Variants in VRK2 observed in about 807,000 individuals in gnomAD.
VRK2 encodes serine/threonine-protein kinase VRK2.
A neutral mutation model predicts 57.6 loss-of-function variants in VRK2; 60 were observed. The observed-to-expected ratio is 1.04, with a 90% CI of 0.85 to 1.29. The LOEUF (loss-of-function observed/expected upper bound fraction) is 1.29. Ranked by LOEUF, VRK2 falls within the 50% of genes most tolerant of loss-of-function variation. The probability of loss-of-function intolerance (pLI) is 0.00; values close to 1 mark genes in which losing one functional copy is unlikely to be tolerated. For synonymous variants in VRK2, 231 were observed against 199.2 expected (o/e 1.16, Z -1.35); for missense variants, 705 against 588.1 (o/e 1.20, Z -2.06).
At chr2:57,985,750 G>C (rs550479059) in intron 1 of VRK2, among the ~76,000 whole-genome samples, 57 of 152,010 alleles carry the variant, frequency 3.7e-4, no homozygotes, top group South Asian at 6.2e-4. Context: ...ATCCATATTG[G>C]AAAATTCAAA....
intron 1 of VRK2, among the ~76,000 whole-genome samples, chr2:58,012,521 T>C (rs1409123775): frequency 6.6e-6 from 1 of 152,220 alleles, no homozygotes; most frequent in African/African-American, 2.4e-5. Context: ...TCACTGTCAT[T>C]GGCAATTGAA....
chr2:58,055,712 C>T (rs1676416791), intron 2 of VRK2, among the ~76,000 whole-genome samples: 1 of 152,146 alleles, frequency 6.6e-6, no homozygotes, highest in Non-Finnish European at 1.5e-5. Context: ...TGGTGGCAGG[C>T]AGCTCTTTTC....
At chr2:58,082,562 G>A (rs932916427) in intron 2 of VRK2, among the ~76,000 whole-genome samples, 1 of 151,762 alleles carries the variant, frequency 6.6e-6, no homozygotes. Flanking sequence ...TGGGAACAAA[G>A]GTTTTCTCAC....
chr2:58,128,542 G>A (rs1678700064), intron 8 of VRK2, among the ~76,000 whole-genome samples: 1 of 151,992 alleles, frequency 6.6e-6, no homozygotes, highest in Non-Finnish European at 1.5e-5. Context: ...ATGTTGGCCG[G>A]GCTGGTCTTA....
chr2:58,136,880 TATCA>T (rs1680154859), intron 10 of VRK2, among the ~76,000 whole-genome samples: 1 of 117,002 alleles, frequency 8.5e-6, no homozygotes, highest in African/African-American at 3.4e-5. Flanking sequence ...TCATATATTA[TATCA>T]TATATATGTG....
At chr2:58,137,299 G>T (rs1489923583) in intron 10 of VRK2, among the ~76,000 whole-genome samples, 6 of 92,074 alleles carry the variant, frequency 6.5e-5, no homozygotes, top group African/African-American at 2.1e-4. Flanking sequence ...TACCTTTCTT[G>T]TCAATCCTGC....
rs17239946 is a variant in VRK2, at chr2:57,959,092, C to T, written c.-439+51253C>T. 9.0e-3 allele frequency among the ~76,000 whole-genome samples: 1,376 copies of T among 152,184 alleles called. 18 individuals carry two copies. Among genetic ancestry groups the T allele is most frequent in the Non-Finnish European group, 0.014 (952 of 68,010 alleles). On this transcript the variant is annotated intron_variant, in intron 1 of 15. Coordinates refer to the VRK2 transcript ENST00000417641. ...TGCCATTCATCCTATTTTTTAGGAGCGATTCACTATGACTAAAATTTATTG... is the reference window on the plus strand; with the variant it reads ...TGCCATTCATCCTATTTTTTAGGAGTGATTCACTATGACTAAAATTTATTG...
intron 3 of VRK2, among the ~76,000 whole-genome samples, chr2:58,040,722 C>A (rs1339457043): frequency 1.3e-5 from 2 of 152,104 alleles, no homozygotes; most frequent in Admixed American, 1.3e-4. Context: ...ATACTTCCAC[C>A]TAGTTCATTA....
intron 1 of VRK2, among the ~76,000 whole-genome samples, chr2:57,993,672 T>A (rs1419409416): frequency 1.3e-5 from 2 of 152,238 alleles, no homozygotes; most frequent in Non-Finnish European, 2.9e-5. Flanking sequence ...TGACTGCTTC[T>A]CAGCTCTCAG....
At chr2:58,077,414 A>G (rs965901632) in intron 2 of VRK2, among the ~76,000 whole-genome samples, 2 of 151,978 alleles carry the variant, frequency 1.3e-5, no homozygotes, top group African/African-American at 4.8e-5. Context: ...TTATCTGAAG[A>G]ATTCCTGCCC....
At chr2:58,141,703 T>G (rs557937939) in intron 11 of VRK2, among the ~76,000 whole-genome samples, 13 of 152,118 alleles carry the variant, frequency 8.5e-5, no homozygotes, top group African/African-American at 3.1e-4. Flanking sequence ...CATATGTGGC[T>G]AAACTTTAAG....
intron 1 of VRK2, among the ~76,000 whole-genome samples, chr2:57,978,317 T>A (rs1000992909): frequency 6.6e-6 from 1 of 150,922 alleles, no homozygotes; most frequent in Non-Finnish European, 1.5e-5. Flanking sequence ...TAGAAAAAAA[T>A]TATTACAGTA....
upstream of VRK2, among the ~76,000 whole-genome samples, chr2:58,044,398 T>C (rs564487404): frequency 6.6e-6 from 1 of 152,374 alleles, no homozygotes; most frequent in South Asian, 2.1e-4. Context: ...GGTTCATTTA[T>C]TCATTGAAGA....
intron 1 of VRK2, among the ~76,000 whole-genome samples, chr2:57,971,048 G>A (rs1036348368): frequency 1.3e-5 from 2 of 151,898 alleles, no homozygotes; most frequent in Non-Finnish European, 2.9e-5. Flanking sequence ...TAAACTGGTG[G>A]TAAGGTAGAC....
chr2:57,974,774 G>C (rs1672197673), intron 1 of VRK2, among the ~76,000 whole-genome samples: 2 of 151,646 alleles, frequency 1.3e-5, no homozygotes, highest in Non-Finnish European at 1.5e-5. Context: ...GCAGTAAAAA[G>C]AATTAATGAA....
intron 7 of VRK2, among the ~76,000 whole-genome samples, chr2:58,093,845 A>G (rs1274628716): frequency 4.6e-5 from 7 of 151,960 alleles, no homozygotes; most frequent in East Asian, 1.9e-4. Context: ...TTTTGTATAA[A>G]GTGTAAGGAA....
At chr2:57,917,675 G>C (rs1456133189) in intron 1 of VRK2, among the ~76,000 whole-genome samples, 1 of 151,494 alleles carries the variant, frequency 6.6e-6, no homozygotes, top group African/African-American at 2.4e-5. Context: ...ATACTGAACT[G>C]CTTATGATAT....
intron 1 of VRK2, among the ~76,000 whole-genome samples, chr2:58,012,007 G>A (rs183727188): frequency 6.0e-4 from 91 of 152,266 alleles, no homozygotes; most frequent in African/African-American, 2.0e-3. Context: ...AAATATGACT[G>A]TAGAACACCA....
chr2:58,159,482 CAGATATATTCAAGAAGTCA>C lies in VRK2; in HGVS notation c.1321_1339del (p.Ile441LeufsTer18). ...GAGCCTCATCAAGATTTTACCAGTC[CAGATATATTCAAGAAGTCA>C]AGATCTCCATCTTGGTATAAATACA... On this transcript the variant is annotated frameshift_variant, in exon 13 of 13. Coordinates refer to ENST00000340157, the MANE Select transcript of VRK2 (RefSeq NM_006296.7). LOFTEE classifies it low-confidence loss of function (END_TRUNC). The C allele has an allele frequency of 6.2e-7, 1 of 1,613,608 alleles. No homozygotes were observed. The highest frequency in any genetic ancestry group is 8.5e-7 in the Non-Finnish European group (1 of 1,179,736).
Sources: allele counts gnomAD v4.1 joint callset (sites outside exome capture counted in the v4.1 genomes callset), GRCh38; gene constraint gnomAD v4.1.1; transcripts MANE v1.5; gene names NCBI Gene and HGNC (gene_info 2026-07-23, HGNC 2026-07-21).